DCTN4: variants seen among roughly 807,000 people sequenced by gnomAD.
DCTN4 encodes the protein dynactin subunit 4.
DCTN4 carries 23 observed loss-of-function variants against 62.7 expected under a neutral mutation model. The observed-to-expected ratio is 0.37, with a 90% CI of 0.26 to 0.52. The LOEUF (loss-of-function observed/expected upper bound fraction) is 0.52, where lower values mean the gene tolerates loss of function less well. Among genes scored for constraint, DCTN4 ranks in the 20% least tolerant of loss-of-function variants. DCTN4 has a pLI of 0.92. For synonymous variants in DCTN4, 199 were observed against 202.1 expected, an observed-to-expected ratio of 0.98 and a Z score of 0.13; for missense variants, 514 against 580.4, an observed-to-expected ratio of 0.89 and a Z score of 1.18.
intron 1 of DCTN4, among the ~76,000 whole-genome samples, chr5:150,757,456 C>T (rs1752903313): frequency 6.6e-6 from 1 of 152,162 alleles, no homozygotes; most frequent in African/African-American, 2.4e-5. Flanking sequence ...ACTCTAATGG[C>T]CTCCATATCA....
intron 12 of DCTN4, among the ~76,000 whole-genome samples, chr5:150,711,756 G>A (rs903592004): frequency 5.9e-5 from 9 of 152,122 alleles, no homozygotes; most frequent in South Asian, 2.1e-4. Context: ...CAGGGCTCAG[G>A]TGATCTGCTT....
chr5:150,758,413 G>A (rs1752941039), intron 1 of DCTN4: 6 of 990,486 alleles, frequency 6.1e-6, no homozygotes, highest in Non-Finnish European at 7.2e-6. Context: ...AGTCTGACGA[G>A]GGCCCAGTTT....
chr5:150,719,673 T>C (rs751046150), intron 10 of DCTN4, 43 bp downstream of exon 10: 5 of 1,434,480 alleles, frequency 3.5e-6, no homozygotes, highest in East Asian at 4.5e-5. Flanking sequence ...ACACACATCA[T>C]TGATCAATCC....
chr5:150,758,963 G>A lies in DCTN4; in HGVS notation c.31C>T (p.Leu11Phe). 1 of 1,614,142 alleles carries A rather than the reference G, an allele frequency of 6.2e-7. No individual in the cohort carries two copies. Among genetic ancestry groups the A allele is most frequent in the African/African-American group, 1.3e-5 (1 of 75,068 alleles). Residue 11 changes from leucine to phenylalanine, a missense_variant, in exon 1 of 13, where the codon CTC becomes TTC. Coordinates refer to ENST00000447998, the MANE Select transcript of DCTN4 (RefSeq NM_016221.4). ...TTCTTTTCTCCCTGGACTAGATAGA[G>A]AACCCGGTCCGACTGCAGCAAGGAC... MASLLQSDRV[L>F]YLVQGEKKVR...
intron 10 of DCTN4, among the ~76,000 whole-genome samples, chr5:150,719,111 T>G (rs1169657813): frequency 6.6e-6 from 1 of 152,212 alleles, no homozygotes; most frequent in Non-Finnish European, 1.5e-5. Context: ...TGAGCCACCG[T>G]GCCCGACCTT....
intron 1 of DCTN4, 161 bp downstream of exon 1, chr5:150,758,698 T>A (rs1752951998): frequency 7.5e-7 from 1 of 1,324,564 alleles, no homozygotes. Flanking sequence ...CCTTTCCAAG[T>A]GACAGATTAG....
intron 12 of DCTN4, among the ~76,000 whole-genome samples, chr5:150,713,185 T>TA (rs1267123622): frequency 6.6e-6 from 1 of 152,198 alleles, no homozygotes; most frequent in Non-Finnish European, 1.5e-5. Context: ...TTTAAAATGG[T>TA]AAAAAGAAAA....
chr5:150,728,622 T>TC (rs767888800), intron 8 of DCTN4, among the ~76,000 whole-genome samples: 1 of 152,214 alleles, frequency 6.6e-6, no homozygotes, highest in African/African-American at 2.4e-5. Context: ...GTAAATTGAA[T>TC]CTTTTTTTTA....
rs1346124880 is a variant in DCTN4, at chr5:150,711,044, T to C, written c.*105A>G. The C allele has an allele frequency of 1.8e-6, 2 of 1,091,204 alleles. No individual in the cohort carries two copies. The highest frequency in any genetic ancestry group is 2.7e-6 in the Non-Finnish European group (2 of 742,348). 67.6% of individuals were successfully genotyped at this position (1,091,204 alleles called of 1,614,324 possible). On this transcript the variant is annotated 3_prime_UTR_variant, in exon 13 of 13. Transcript: ENST00000447998. Reference sequence around the variant, plus strand: ...CTTAGCAATAGAATTCCGTAGTGCATGGGTACATCGTTATAAACAAGGCCT... The same window carrying C: ...CTTAGCAATAGAATTCCGTAGTGCACGGGTACATCGTTATAAACAAGGCCT...
At chr5:150,725,315 G>C (rs572831845) in intron 8 of DCTN4, among the ~76,000 whole-genome samples, 1 of 151,696 alleles carries the variant, frequency 6.6e-6, no homozygotes, top group African/African-American at 2.4e-5. Flanking sequence ...TGAGACAAAA[G>C]GTAACTTTAC....
chr5:150,710,381 T>C lies in DCTN4; in HGVS notation c.*768A>G, dbSNP rs2151462788. 6.6e-6 allele frequency: 1 copy of C among 152,418 alleles called. No individual in the cohort carries two copies. The highest frequency in any genetic ancestry group is 6.5e-5 in the Admixed American group (1 of 15,286). 9.4% of individuals were successfully genotyped at this position (152,418 alleles called of 1,614,324 possible). A position where few individuals can be genotyped will look rare whatever the true frequency, so the allele number is the denominator to read the frequency against. ...TGTGGCAGCATTAATCCCTGGGTAT[T>C]GTGGCAATATTGAAAACGAATGGAA... On this transcript the variant is annotated 3_prime_UTR_variant, in exon 13 of 13. Coordinates refer to ENST00000447998, the MANE Select transcript of DCTN4 (RefSeq NM_016221.4).
intron 10 of DCTN4, 130 bp from the exon 11 acceptor site, chr5:150,718,513 G>A: frequency 1.6e-6 from 1 of 632,158 alleles, no homozygotes; most frequent in South Asian, 1.9e-5. Flanking sequence ...CTACATCACT[G>A]TATTCTCTAT....
At chr5:150,748,508 T>C (rs1482169144) in intron 3 of DCTN4, among the ~76,000 whole-genome samples, 1 of 150,912 alleles carries the variant, frequency 6.6e-6, no homozygotes, top group Non-Finnish European at 1.5e-5. Context: ...TGCGGCACTA[T>C]TCACAATAGC....
At chr5:150,742,046 C>G (rs1760787480) in intron 4 of DCTN4, 68 bp downstream of exon 4, 2 of 1,379,408 alleles carry the variant, frequency 1.4e-6, no homozygotes, top group Non-Finnish European at 2.1e-6. Context: ...CCATAAAATG[C>G]AAGATCTTCA....
intron 4 of DCTN4, among the ~76,000 whole-genome samples, chr5:150,735,635 G>A (rs974360906): frequency 4.6e-5 from 7 of 152,274 alleles, no homozygotes; most frequent in East Asian, 3.9e-4. Context: ...GAACAATGTC[G>A]TAGGACAAAA....
intron 3 of DCTN4, among the ~76,000 whole-genome samples, chr5:150,750,473 T>G (rs1161689080): frequency 6.6e-6 from 1 of 152,198 alleles, no homozygotes; most frequent in Non-Finnish European, 1.5e-5. Flanking sequence ...AGAAAAGTCC[T>G]TACACTTGTG....
chr5:150,726,457 C>T (rs1274743733), intron 8 of DCTN4, among the ~76,000 whole-genome samples: 2 of 152,104 alleles, frequency 1.3e-5, no homozygotes, highest in Non-Finnish European at 2.9e-5. Flanking sequence ...ATAAATTTCT[C>T]ATAAATTAAA....
At chr5:150,729,610 C>CT (rs61580837) in intron 8 of DCTN4, among the ~76,000 whole-genome samples, 11,744 of 141,624 alleles carry the variant, frequency 0.083, 1,572 homozygotes, top group African/African-American at 0.28. Context: ...AGAAAAAATA[C>CT]TTTTTTTTTT....
chr5:150,756,564 G>T, intron 1 of DCTN4, 77 bp from the exon 2 acceptor site: 1 of 885,916 alleles, frequency 1.1e-6, no homozygotes, highest in Non-Finnish European at 1.7e-6. Context: ...GTCAAATAGT[G>T]AATTTTAAAA....
Sources: gnomAD v4.1 joint callset for allele counts (sites outside exome capture counted in the v4.1 genomes callset) on GRCh38, gnomAD v4.1.1 for gene constraint, MANE v1.5 for transcripts, NCBI Gene and HGNC (gene_info 2026-07-23, HGNC 2026-07-21) for gene names.